YEATS2: variants seen among roughly 807,000 people sequenced by gnomAD.
The protein encoded by YEATS2 is YEATS domain-containing protein 2.
YEATS2 carries 77 observed loss-of-function variants against 163.2 expected under a neutral mutation model. That is an observed-to-expected ratio of 0.47 (90% CI 0.39 to 0.57). The LOEUF is 0.57. YEATS2 is among the 20% of genes least tolerant of loss of function. The pLI is 0.00. For synonymous variants in YEATS2, 631 were observed against 645.1 expected, an observed-to-expected ratio of 0.98 and a Z score of 0.33; for missense variants, 1,549 against 1,729.8, an observed-to-expected ratio of 0.90 and a Z score of 1.85.
chr3:183,778,401 T>C (rs1331235670), intron 19 of YEATS2, among the ~76,000 whole-genome samples: 2 of 152,228 alleles, frequency 1.3e-5, no homozygotes, highest in African/African-American at 2.4e-5. Context: ...CTTGACACTT[T>C]GTTGTAAAAT....
intron 5 of YEATS2, among the ~76,000 whole-genome samples, 175 bp downstream of exon 5, chr3:183,722,311 CAG>C (rs1217484288): frequency 2.5e-5 from 2 of 79,352 alleles, no homozygotes; most frequent in Admixed American, 3.1e-4. Context: ...TTTTTTGAGA[CAG>C]AGTTTTGCTC....
chr3:183,797,886 G>T, intron 21 of YEATS2, 37 bp from the exon 22 acceptor site: 2 of 1,612,436 alleles, frequency 1.2e-6, no homozygotes, highest in South Asian at 2.2e-5. Flanking sequence ...CGAAGCACCT[G>T]ACCTTCAACT....
intron 10 of YEATS2, among the ~76,000 whole-genome samples, chr3:183,752,770 T>TA (rs1404062498): frequency 1.3e-5 from 2 of 151,654 alleles, no homozygotes; most frequent in Non-Finnish European, 2.9e-5. Flanking sequence ...TAAAAATAGC[T>TA]AAAAAACATA....
At chr3:183,753,965 T>C (rs894927945) in intron 10 of YEATS2, among the ~76,000 whole-genome samples, 161 bp from the exon 11 acceptor site, 6 of 152,218 alleles carry the variant, frequency 3.9e-5, no homozygotes, top group African/African-American at 1.4e-4. Flanking sequence ...TATATATTTT[T>C]CACCAAAAAT....
In YEATS2 at chr3:183,773,698, A is replaced by G; in HGVS notation, c.2272A>G (p.Lys758Glu). 6.2e-7 allele frequency: 1 copy of G among 1,613,610 alleles called. No homozygotes were observed. Among genetic ancestry groups the G allele is most frequent in the Non-Finnish European group, 8.5e-7 (1 of 1,179,856 alleles). The change falls in exon 17 of 31, where the codon AAA becomes GAA. Residue 758 changes from lysine to glutamate, a missense_variant. Lys to Glu is a moderately conservative substitution (Grantham distance 56). Transcript: ENST00000305135. ...CTTGGCAAATTTGCCTCCTGGCACT[A>G]AACTCTACCTAACTACAAACAGCAA... The part of the protein sequence containing the change: ...ANLANLPPGT[K>E]LYLTTNSKNP...
chr3:183,716,601 G>T (rs2049020686), intron 2 of YEATS2, among the ~76,000 whole-genome samples: 1 of 152,124 alleles, frequency 6.6e-6, no homozygotes, highest in Admixed American at 6.5e-5. Context: ...ATAAATGTTA[G>T]AGTGTTATGT....
chr3:183,710,842 G>A (rs1449936714), intron 1 of YEATS2, among the ~76,000 whole-genome samples: 2 of 152,176 alleles, frequency 1.3e-5, no homozygotes, highest in African/African-American at 4.8e-5. Context: ...TCTGTAGAAT[G>A]GATAAGTGAG....
chr3:183,794,578 G>C (rs1007250235), intron 21 of YEATS2, among the ~76,000 whole-genome samples: 3 of 152,168 alleles, frequency 2.0e-5, no homozygotes, highest in African/African-American at 7.2e-5. Context: ...TTATGTCCCA[G>C]TCAGCTGTTG....
Position 183,799,001 on chromosome 3 carries a change from C to A in YEATS2, c.3325+12C>A, listed in dbSNP as rs1459928888. The A allele has an allele frequency of 2.3e-5, 37 of 1,600,062 alleles. No homozygotes were observed. The highest frequency in any genetic ancestry group is 3.0e-5 in the Non-Finnish European group (35 of 1,167,298). On this transcript the variant is annotated intron_variant, in intron 23 of 30. Transcript: ENST00000305135. ...AGCTGTTGCAAAAGGTACGTAGGAT[C>A]TCACAGAGTTCTCGTCCAGAAGTTT...
intron 27 of YEATS2, among the ~76,000 whole-genome samples, chr3:183,805,614 C>T (rs1726110277): frequency 6.6e-6 from 1 of 151,860 alleles, no homozygotes; most frequent in Non-Finnish European, 1.5e-5. Context: ...CACGGTGAAA[C>T]CTTGCCTCTA....
intron 20 of YEATS2, among the ~76,000 whole-genome samples, chr3:183,789,616 A>C (rs1360542229): frequency 2.3e-5 from 3 of 132,812 alleles, no homozygotes; most frequent in Non-Finnish European, 3.1e-5. Context: ...GCTCACTGCA[A>C]CCTCCACCTC....
chr3:183,710,773 A>C (rs1476193416), intron 1 of YEATS2, among the ~76,000 whole-genome samples: 1 of 152,158 alleles, frequency 6.6e-6, no homozygotes, highest in Non-Finnish European at 1.5e-5. Context: ...TTTTAGTGGG[A>C]GCCACCGTTA....
intron 1 of YEATS2, among the ~76,000 whole-genome samples, chr3:183,706,773 G>A (rs575523503): frequency 6.6e-6 from 1 of 152,234 alleles, no homozygotes; most frequent in Non-Finnish European, 1.5e-5. Context: ...CTGAGATTGT[G>A]CCATTGCACT....
chr3:183,712,434 C>T (rs1157013022), intron 1 of YEATS2, among the ~76,000 whole-genome samples: 1 of 151,808 alleles, frequency 6.6e-6, no homozygotes, highest in African/African-American at 2.4e-5. Context: ...TGGTCTTGAA[C>T]TCCTGACCTC....
At chr3:183,787,256 A>C (rs1724151394) in intron 20 of YEATS2, among the ~76,000 whole-genome samples, 1 of 152,114 alleles carries the variant, frequency 6.6e-6, no homozygotes. Flanking sequence ...CCGGCCTGTG[A>C]TAACTCCTTT....
At chr3:183,790,221 A>G (rs181272821) in intron 20 of YEATS2, among the ~76,000 whole-genome samples, 91 of 152,246 alleles carry the variant, frequency 6.0e-4, no homozygotes, top group African/African-American at 2.1e-3. Flanking sequence ...TCCTGTTTCT[A>G]TTCCTAGGCA....
intron 7 of YEATS2, among the ~76,000 whole-genome samples, chr3:183,732,621 G>A (rs576200497): frequency 1.3e-3 from 193 of 151,482 alleles, no homozygotes; most frequent in African/African-American, 4.0e-3. Flanking sequence ...GTGCAGTGGC[G>A]CAGTCTTGGC....
In YEATS2 at chr3:183,718,398, CT is replaced by C. The variant is rs796659952; in HGVS notation, c.199-92del. 3,176 of 770,046 alleles carry C rather than the reference CT, an allele frequency of 4.1e-3. 1 individual carries two copies. Among genetic ancestry groups the C allele is most frequent in the South Asian group, 5.7e-3 (264 of 46,348 alleles). 47.7% of individuals were successfully genotyped at this position (770,046 alleles called of 1,614,324 possible). On this transcript the variant is annotated intron_variant, in intron 3 of 30. Coordinates refer to ENST00000305135, the MANE Select transcript of YEATS2 (RefSeq NM_018023.5). ...TCTTTTGATTGTTAGAGAAGTTGAG[CT>C]TTTTTTTTTCACTCATTCACGTTTC... is the stretch of plus-strand genomic sequence containing the variant.
intron 20 of YEATS2, among the ~76,000 whole-genome samples, chr3:183,787,821 C>G (rs1447731814): frequency 2.6e-5 from 4 of 151,812 alleles, no homozygotes; most frequent in Admixed American, 6.6e-5. Context: ...AAGGTGAAAC[C>G]CCCGTCTCTA....
Sources: allele counts gnomAD v4.1 joint callset (sites outside exome capture counted in the v4.1 genomes callset), GRCh38; gene constraint gnomAD v4.1.1; transcripts MANE v1.5; gene names NCBI Gene and HGNC (gene_info 2026-07-23, HGNC 2026-07-21).